Variants in CNTN4 observed in about 807,000 individuals in gnomAD.
The protein encoded by CNTN4 is contactin-4.
A neutral mutation model predicts 122.5 loss-of-function variants in CNTN4; 77 were observed. The observed-to-expected ratio is 0.63, with a 90% CI of 0.52 to 0.76. CNTN4 has a LOEUF of 0.76. Among genes scored for constraint, CNTN4 ranks in the 30% least tolerant of loss-of-function variants. The pLI is 0.00. For missense variants in CNTN4, 1,256 were observed against 1,259.1 expected (o/e 1.00, Z 0.04); for synonymous variants, 512 against 447.0 (o/e 1.15, Z -1.83).
At chr3:2,457,197 C>G (rs900698340) in intron 3 of CNTN4, among the ~76,000 whole-genome samples, 5 of 152,108 alleles carry the variant, frequency 3.3e-5, no homozygotes, top group Admixed American at 3.3e-4. Flanking sequence ...GGCATACTTT[C>G]AATTGTTGTG....
chr3:2,459,565 G>C (rs190812924), intron 3 of CNTN4, among the ~76,000 whole-genome samples: 2 of 152,034 alleles, frequency 1.3e-5, no homozygotes, highest in African/African-American at 2.4e-5. Context: ...AGCAACTCTC[G>C]TGATATGGCC....
intron 2 of CNTN4, among the ~76,000 whole-genome samples, chr3:2,176,238 T>G (rs982991513): frequency 2.0e-5 from 3 of 152,106 alleles, no homozygotes; most frequent in Non-Finnish European, 4.4e-5. Flanking sequence ...GAATGAGTAT[T>G]TGTCAGGGCT....
At chr3:2,100,755 ATAT>A (rs2031870943) in intron 2 of CNTN4, 116 bp downstream of exon 2, 2 of 152,170 alleles carry the variant, frequency 1.3e-5, no homozygotes, top group South Asian at 4.2e-4. Context: ...TTTCATGAGA[ATAT>A]TATTTTTGCT....
intron 4 of CNTN4, among the ~76,000 whole-genome samples, chr3:2,599,339 T>C (rs1239454124): frequency 6.6e-6 from 1 of 152,216 alleles, no homozygotes; most frequent in African/African-American, 2.4e-5. Flanking sequence ...AATTTAAAAC[T>C]AGTATATCTG....
rs78086491 is a variant in CNTN4 at position 2,744,568 on chromosome 3, C to T, written c.183-954C>T. Among the ~76,000 whole-genome samples, 9 of 152,222 alleles carry T rather than the reference C, an allele frequency of 5.9e-5. No homozygotes were observed. The East Asian group carries it at 1.2e-3, about 20-fold the overall frequency. ...TCACAAACTCCTACTATGCTATTTT[C>T]GTTAGTTAATATTCTGTGTAAGAGT... is the stretch of plus-strand genomic sequence containing the variant. On this transcript the variant is annotated intron_variant, in intron 5 of 24. Transcript: ENST00000418658.
intron 3 of CNTN4, among the ~76,000 whole-genome samples, chr3:2,458,886 T>C (rs1312132290): frequency 6.6e-6 from 1 of 152,188 alleles, no homozygotes; most frequent in Non-Finnish European, 1.5e-5. Context: ...ATTTGCTTTG[T>C]ATTAGTGACT....
intron 3 of CNTN4, among the ~76,000 whole-genome samples, chr3:2,359,697 G>A (rs555230503): frequency 7.9e-5 from 12 of 152,012 alleles, no homozygotes; most frequent in South Asian, 4.2e-4. Flanking sequence ...CCACCACCAC[G>A]CCCTGCTAAT....
chr3:2,935,267 A>C (rs57379342), intron 13 of CNTN4, among the ~76,000 whole-genome samples: 2,748 of 152,324 alleles, frequency 0.018, 79 homozygotes, highest in African/African-American at 0.063. Flanking sequence ...TATATAACTC[A>C]AGACATATAT....
intron 3 of CNTN4, among the ~76,000 whole-genome samples, chr3:2,394,427 T>C (rs1440788597): frequency 1.3e-5 from 2 of 152,162 alleles, no homozygotes; most frequent in Admixed American, 6.5e-5. Flanking sequence ...TAACAGTTAA[T>C]GAAAACTGAG....
At chr3:2,255,961 G>C (rs768188015) in intron 2 of CNTN4, among the ~76,000 whole-genome samples, 1 of 152,088 alleles carries the variant, frequency 6.6e-6, no homozygotes, top group South Asian at 2.1e-4. Flanking sequence ...GAAGGAGATA[G>C]AGACATGAAA....
chr3:2,755,063 C>A (rs2149638767), intron 6 of CNTN4, among the ~76,000 whole-genome samples: 1 of 152,264 alleles, frequency 6.6e-6, no homozygotes, highest in African/African-American at 2.4e-5. Flanking sequence ...TGTATTCTCA[C>A]TGGGAATTTT....
chr3:2,500,229 A>T (rs1167922270), intron 3 of CNTN4, among the ~76,000 whole-genome samples: 1 of 152,062 alleles, frequency 6.6e-6, no homozygotes, highest in Non-Finnish European at 1.5e-5. Context: ...GCTAACTTGA[A>T]TCACCTTCTT....
intron 6 of CNTN4, among the ~76,000 whole-genome samples, chr3:2,778,390 G>A (rs924156582): frequency 1.4e-5 from 2 of 143,872 alleles, no homozygotes; most frequent in Non-Finnish European, 3.1e-5. Flanking sequence ...ATTAAATTAT[G>A]TTCTCAAAAC....
intron 7 of CNTN4, among the ~76,000 whole-genome samples, chr3:2,842,810 C>A (rs902650768): frequency 2.0e-5 from 3 of 152,040 alleles, no homozygotes; most frequent in African/African-American, 7.2e-5. Context: ...TCTCTTGGTA[C>A]CCCCTTTAAA....
intron 2 of CNTN4, among the ~76,000 whole-genome samples, chr3:2,166,895 A>G (rs905649955): frequency 3.9e-5 from 6 of 152,204 alleles, no homozygotes; most frequent in African/African-American, 1.2e-4. Context: ...AAAATAACAC[A>G]TAAGAAAAAG....
chr3:2,842,687 A>C (rs961118404), intron 7 of CNTN4, among the ~76,000 whole-genome samples: 1 of 152,192 alleles, frequency 6.6e-6, no homozygotes, highest in Non-Finnish European at 1.5e-5. Flanking sequence ...ACAATACTAA[A>C]GCTGATGATA....
chr3:2,961,045 AC>A (rs2094849319), intron 13 of CNTN4, among the ~76,000 whole-genome samples: 1 of 125,804 alleles, frequency 7.9e-6, no homozygotes, highest in East Asian at 3.5e-4. Context: ...CCTGGCTAAC[AC>A]GGTGAAACCC....
intron 3 of CNTN4, among the ~76,000 whole-genome samples, chr3:2,567,497 G>C (rs558540971): frequency 6.6e-6 from 1 of 152,234 alleles, no homozygotes; most frequent in South Asian, 2.1e-4. Context: ...AGGCTGCGCT[G>C]TGCTGTCTTT....
At chr3:2,489,920 G>A (rs997413241) in intron 3 of CNTN4, among the ~76,000 whole-genome samples, 13 of 152,016 alleles carry the variant, frequency 8.6e-5, no homozygotes, top group Admixed American at 4.6e-4. Flanking sequence ...TGTATGTCTC[G>A]TATAAAACAT....
Sources: allele counts gnomAD v4.1 joint callset (sites outside exome capture counted in the v4.1 genomes callset), GRCh38; gene constraint gnomAD v4.1.1; transcripts MANE v1.5; gene names NCBI Gene and HGNC (gene_info 2026-07-23, HGNC 2026-07-21).